EPHB2: variants seen among roughly 807,000 people sequenced by gnomAD.
EPHB2 encodes EPH receptor B2.
In EPHB2, 18 loss-of-function variants were observed where a neutral mutation model predicts 96.4. The observed-to-expected ratio is 0.19, with a 90% CI of 0.13 to 0.28. EPHB2 has a LOEUF of 0.28. EPHB2 is among the 10% of genes least tolerant of loss of function. The pLI is 1.00. For missense variants in EPHB2, 989 were observed against 1,355.4 expected, an observed-to-expected ratio of 0.73 and a Z score of 4.25; for synonymous variants, 506 against 534.1, an observed-to-expected ratio of 0.95 and a Z score of 0.72.
intron 3 of EPHB2, among the ~76,000 whole-genome samples, chr1:22,834,421 C>G (rs185792693): frequency 6.6e-6 from 1 of 152,112 alleles, no homozygotes; most frequent in Non-Finnish European, 1.5e-5. Context: ...GATTAAAATA[C>G]CTTGTCTGAA....
At chr1:22,816,464 C>G (rs1374511317) in intron 3 of EPHB2, among the ~76,000 whole-genome samples, 2 of 152,202 alleles carry the variant, frequency 1.3e-5, no homozygotes, top group Non-Finnish European at 2.9e-5. Context: ...GGCCCAACTC[C>G]CCCATCCCCA....
intron 5 of EPHB2, among the ~76,000 whole-genome samples, chr1:22,879,162 G>A (rs1378713557): frequency 6.6e-6 from 1 of 152,140 alleles, no homozygotes; most frequent in East Asian, 1.9e-4. Context: ...TGAGTTTCAA[G>A]CATCCTCCTT....
At chr1:22,859,588 A>G (rs1232167434) in intron 3 of EPHB2, among the ~76,000 whole-genome samples, 2 of 152,106 alleles carry the variant, frequency 1.3e-5, no homozygotes, top group Non-Finnish European at 2.9e-5. Flanking sequence ...TGAGGTCAGG[A>G]GTTCGTGACC....
intron 3 of EPHB2, among the ~76,000 whole-genome samples, chr1:22,794,089 A>G (rs1043609518): frequency 2.0e-5 from 3 of 152,132 alleles, no homozygotes; most frequent in African/African-American, 7.2e-5. Context: ...CTTACCTGGG[A>G]AATGGAAACA....
intron 3 of EPHB2, among the ~76,000 whole-genome samples, chr1:22,811,459 A>G (rs1013115998): frequency 2.6e-5 from 4 of 152,190 alleles, no homozygotes; most frequent in African/African-American, 7.2e-5. Flanking sequence ...CACTCTCAGG[A>G]TGGCTGTCCC....
intron 1 of EPHB2, among the ~76,000 whole-genome samples, chr1:22,763,179 G>A (rs923039478): frequency 6.6e-6 from 1 of 152,210 alleles, no homozygotes; most frequent in Admixed American, 6.5e-5. Context: ...CAGAACCTGG[G>A]CTACATCCTG....
intron 3 of EPHB2, among the ~76,000 whole-genome samples, chr1:22,828,824 C>A (rs1018865345): frequency 1.3e-5 from 2 of 152,130 alleles, no homozygotes; most frequent in African/African-American, 4.8e-5. Flanking sequence ...ATGTTGTAGG[C>A]ATAAAAGGGT....
chr1:22,818,553 T>G (rs1253591674), intron 3 of EPHB2, among the ~76,000 whole-genome samples: 1 of 152,084 alleles, frequency 6.6e-6, no homozygotes, highest in African/African-American at 2.4e-5. Flanking sequence ...ACACACAGGA[T>G]AAAGGTCAAA....
chr1:22,734,458 A>G (rs28455953), intron 1 of EPHB2, among the ~76,000 whole-genome samples: 12,752 of 143,994 alleles, frequency 0.089, 854 homozygotes, highest in East Asian at 0.29. Context: ...GTTTCGCTCT[A>G]TTGCCCAAGC....
At chr1:22,910,270 C>T in intron 13 of EPHB2, 112 bp from the exon 14 acceptor site, 2 of 1,411,168 alleles carry the variant, frequency 1.4e-6, no homozygotes, top group Non-Finnish European at 2.0e-6. Flanking sequence ...GTGGTTGCCA[C>T]AGCAACTAAA....
chr1:22,841,298 C>G (rs1174877549), intron 3 of EPHB2, among the ~76,000 whole-genome samples: 2 of 152,206 alleles, frequency 1.3e-5, no homozygotes, highest in Non-Finnish European at 2.9e-5. Flanking sequence ...GCTTTGCTGT[C>G]CATTCCTGTG....
intron 9 of EPHB2, among the ~76,000 whole-genome samples, chr1:22,898,920 G>T (rs1639658878): frequency 6.6e-6 from 1 of 152,190 alleles, no homozygotes; most frequent in African/African-American, 2.4e-5. Flanking sequence ...CTTAAAAATA[G>T]TTTGGGGCTG....
At position 22,910,438 on chromosome 1, in the gene EPHB2, C is replaced by T. The variant is rs768522841; in HGVS notation, c.2559C>T (p.Ser853=). ...TGCCACCGCCCATGGACTGCCCGAG[C>T]GCCCTGCACCAACTCATGCTGGACT... ...YRLPPPMDCP[S]ALHQLMLDCW... Residue 853 remains serine, a synonymous_variant, in exon 14 of 16, where the codon AGC becomes AGT. Transcript: ENST00000374630. The T allele has an allele frequency of 1.1e-5, 18 of 1,614,084 alleles. No individual in the cohort carries two copies. The highest frequency in any genetic ancestry group is 9.3e-5 in the African/African-American group (7 of 74,928).
At chr1:22,831,569 C>T (rs993945720) in intron 3 of EPHB2, among the ~76,000 whole-genome samples, 19 of 151,930 alleles carry the variant, frequency 1.3e-4, no homozygotes, top group Admixed American at 1.1e-3. Flanking sequence ...GCTCAAGGAG[C>T]CTGAGTGGTT....
At chr1:22,739,646 A>T (rs1456005793) in intron 1 of EPHB2, among the ~76,000 whole-genome samples, 1 of 152,174 alleles carries the variant, frequency 6.6e-6, no homozygotes, top group East Asian at 1.9e-4. Flanking sequence ...AGCCTCAAGG[A>T]ATTCATCTGT....
At chr1:22,785,223 T>A (rs920988310) in intron 3 of EPHB2, 147 bp downstream of exon 3, 57 of 1,005,010 alleles carry the variant, frequency 5.7e-5, no homozygotes, top group Non-Finnish European at 7.8e-5. Flanking sequence ...CCAGCAACCA[T>A]CGTTCAGCTT....
At chr1:22,911,430 C>T (rs1490510128) in intron 14 of EPHB2, among the ~76,000 whole-genome samples, 1 of 152,160 alleles carries the variant, frequency 6.6e-6, no homozygotes, top group African/African-American at 2.4e-5. Flanking sequence ...TGCACACACA[C>T]ACCCATTCAG....
chr1:22,767,947 G>A (rs1459688579), intron 1 of EPHB2, among the ~76,000 whole-genome samples: 1 of 152,208 alleles, frequency 6.6e-6, no homozygotes, highest in African/African-American at 2.4e-5. Context: ...GCGAGAAAAT[G>A]TCCCAGCAGA....
At chr1:22,732,948 C>T (rs905644538) in intron 1 of EPHB2, among the ~76,000 whole-genome samples, 18 of 152,188 alleles carry the variant, frequency 1.2e-4, no homozygotes, top group African/African-American at 4.1e-4. Flanking sequence ...AATTGAGGCT[C>T]AAAGAGATGA....
Sources: gnomAD v4.1 joint callset for allele counts (sites outside exome capture counted in the v4.1 genomes callset) on GRCh38, gnomAD v4.1.1 for gene constraint, MANE v1.5 for transcripts, NCBI Gene and HGNC (gene_info 2026-07-23, HGNC 2026-07-21) for gene names.